Variants in ZNF567 observed in about 807,000 individuals in gnomAD.
ZNF567 encodes the protein zinc finger protein 567.
ZNF567 carries 36 observed loss-of-function variants against 53.9 expected under a neutral mutation model. The observed-to-expected ratio is 0.67, with a 90% CI of 0.51 to 0.88. The LOEUF is 0.88. Ranked by LOEUF, ZNF567 falls within the 40% of genes least tolerant of loss-of-function variation. The pLI is 0.00. For synonymous variants in ZNF567, 224 were observed against 260.4 expected (o/e 0.86, Z 1.35); for missense variants, 619 against 764.7 (o/e 0.81, Z 2.25).
At chr19:36,673,779 G>A in the ZNF567 span, among the ~76,000 whole-genome samples, 2 of 152,016 alleles carry the variant, frequency 1.3e-5, no homozygotes, top group African/African-American at 2.4e-5. Flanking sequence ...TACATGTATA[G>A]TGTCATTTAA....
chr19:36,673,254 GA>G, the ZNF567 span, among the ~76,000 whole-genome samples: 2 of 152,148 alleles, frequency 1.3e-5, no homozygotes, highest in African/African-American at 4.8e-5. Flanking sequence ...ATTCAGATAT[GA>G]AGTATGGTTT....
downstream of ZNF567, among the ~76,000 whole-genome samples, chr19:36,723,970 G>A (rs139081559): frequency 6.8e-6 from 1 of 147,516 alleles, no homozygotes; most frequent in Non-Finnish European, 1.5e-5. Context: ...TTATGAAACT[G>A]TCTATGGCTG....
At chr19:36,683,261 G>A (rs139567616), upstream of ZNF567, among the ~76,000 whole-genome samples, 3 of 151,598 alleles carry the variant, frequency 2.0e-5, no homozygotes, top group East Asian at 2.0e-4. Context: ...TAGTAGATAC[G>A]GGGTTTCACC....
At chr19:36,683,162 C>G (rs2038213090), upstream of ZNF567, among the ~76,000 whole-genome samples, 1 of 151,592 alleles carries the variant, frequency 6.6e-6, no homozygotes, top group Non-Finnish European at 1.5e-5. Flanking sequence ...GCCTCAATAT[C>G]CTTGGGCTCA....
At chr19:36,725,019 T>C (rs2040330167), downstream of ZNF567, among the ~76,000 whole-genome samples, 2 of 152,098 alleles carry the variant, frequency 1.3e-5, no homozygotes, top group Non-Finnish European at 2.9e-5. Context: ...TTCTTGAACA[T>C]AGTTTGCTGA....
chr19:36,687,943 G>A (rs1039145032), intron 1 of ZNF567, among the ~76,000 whole-genome samples: 12 of 152,272 alleles, frequency 7.9e-5, no homozygotes, highest in Non-Finnish European at 1.8e-4. Context: ...GCACGGCCTG[G>A]CACACAACAG....
rs147666808 is a variant in ZNF567, at chr19:36,720,957, C to A, written c.*289C>A. 122 of 197,578 alleles carry A rather than the reference C, an allele frequency of 6.2e-4. No homozygotes were observed. In the East Asian group the frequency reaches 0.011, roughly 18 times the overall value. 12.2% of individuals were successfully genotyped at this position (197,578 alleles called of 1,614,324 possible). Reference sequence around the variant, plus strand: ...ATATAATACATGCAGAGACAAGATACACAATGATTATAAGTATTAATCTCC... The same window carrying A: ...ATATAATACATGCAGAGACAAGATAAACAATGATTATAAGTATTAATCTCC... On this transcript the variant is annotated 3_prime_UTR_variant, in exon 6 of 6. Transcript: ENST00000682579.
At chr19:36,724,855 TAA>T (rs879898922), downstream of ZNF567, among the ~76,000 whole-genome samples, 2 of 140,626 alleles carry the variant, frequency 1.4e-5, no homozygotes, top group African/African-American at 2.6e-5. Flanking sequence ...CTCAAAAAAT[TAA>T]AAAAAAAAAA....
At chr19:36,716,739 T>C (rs1459006223) in intron 5 of ZNF567, among the ~76,000 whole-genome samples, 1 of 152,240 alleles carries the variant, frequency 6.6e-6, no homozygotes, top group Admixed American at 6.5e-5. Context: ...CTTTTAGATG[T>C]ACCTACTCAT....
At chr19:36,690,540 G>A (rs533211587) in intron 2 of ZNF567, among the ~76,000 whole-genome samples, 2 of 152,178 alleles carry the variant, frequency 1.3e-5, no homozygotes, top group East Asian at 1.9e-4. Flanking sequence ...GCAGTGAGCC[G>A]TGATCACACC....
chr19:36,672,375 C>G, the ZNF567 span, among the ~76,000 whole-genome samples: 1 of 152,154 alleles, frequency 6.6e-6, no homozygotes, highest in Admixed American at 6.5e-5. Context: ...GATATTTGTG[C>G]CCTATGTGAA....
Position 36,719,687 on chromosome 19 carries a change from G to A in ZNF567, c.963G>A (p.Lys321=), listed in dbSNP as rs184677858. Residue 321 remains lysine, a synonymous_variant, in exon 6 of 6, where the codon AAG becomes AAA. Transcript: ENST00000682579. The stretch of plus-strand genomic sequence containing the variant: ...AATGTGGTAAGTCCTTCCGCCTCAA[G>A]ACAGCCCTCACTGATCATCAGAGAA... ...CNECGKSFRL[K]TALTDHQRTH... is the part of the protein sequence containing the mutation. 134 of 1,614,102 alleles carry A rather than the reference G, an allele frequency of 8.3e-5. 1 individual carries two copies. Among genetic ancestry groups the A allele is most frequent in the Non-Finnish European group, 5.9e-6 (7 of 1,180,022 alleles).
chr19:36,723,980 G>A (rs778288240), downstream of ZNF567, among the ~76,000 whole-genome samples: 8 of 145,692 alleles, frequency 5.5e-5, no homozygotes, highest in Non-Finnish European at 1.1e-4. Context: ...GTCTATGGCT[G>A]TATCATATGG....
At chr19:36,680,323 A>G in the ZNF567 span, among the ~76,000 whole-genome samples, 2 of 152,194 alleles carry the variant, frequency 1.3e-5, no homozygotes, top group African/African-American at 4.8e-5. Context: ...TGCTGTTCTG[A>G]GACCTGTCTT....
upstream of ZNF567, chr19:36,685,841 G>A (rs530378813): frequency 2.0e-5 from 3 of 152,374 alleles, no homozygotes; most frequent in East Asian, 1.9e-4. Context: ...GCTTGCCTGA[G>A]TGGTTCTTCT....
the ZNF567 span, among the ~76,000 whole-genome samples, chr19:36,671,776 C>T: frequency 2.0e-5 from 3 of 152,142 alleles, no homozygotes; most frequent in Non-Finnish European, 2.9e-5. Flanking sequence ...TCATGGGCCA[C>T]GAAGTTACCA....
At chr19:36,697,785 T>C (rs1483594254) in intron 3 of ZNF567, among the ~76,000 whole-genome samples, 1 of 151,996 alleles carries the variant, frequency 6.6e-6, no homozygotes, top group Non-Finnish European at 1.5e-5. Context: ...CTAATTTTTG[T>C]ATTTTTAGTA....
At chr19:36,696,056 T>A (rs1198351078) in intron 3 of ZNF567, among the ~76,000 whole-genome samples, 12 of 152,232 alleles carry the variant, frequency 7.9e-5, no homozygotes, top group Non-Finnish European at 1.6e-4. Context: ...TCTGTGGCCT[T>A]CCAATAACAC....
intron 3 of ZNF567, among the ~76,000 whole-genome samples, chr19:36,709,210 T>C (rs920805792): frequency 7.9e-5 from 12 of 152,226 alleles, no homozygotes; most frequent in Admixed American, 5.9e-4. Context: ...AAAATATTCC[T>C]GACACACTAA....
Sources: gnomAD v4.1 joint callset for allele counts (sites outside exome capture counted in the v4.1 genomes callset) on GRCh38, gnomAD v4.1.1 for gene constraint, MANE v1.5 for transcripts, NCBI Gene and HGNC (gene_info 2026-07-23, HGNC 2026-07-21) for gene names.